Variants in BRCA2 observed in about 807,000 individuals in gnomAD.
BRCA2 encodes the protein BRCA2 DNA repair associated.
A neutral mutation model predicts 276.7 loss-of-function variants in BRCA2; 203 were observed. The observed-to-expected ratio is 0.73, with a 90% CI of 0.65 to 0.82. BRCA2 has a LOEUF of 0.82. BRCA2 is among the 40% of genes least tolerant of loss of function. BRCA2 has a pLI of 0.00. For missense variants in BRCA2, 3,920 were observed against 3,915.0 expected, an observed-to-expected ratio of 1.00 and a Z score of -0.03; for synonymous variants, 1,289 against 1,338.4, an observed-to-expected ratio of 0.96 and a Z score of 0.81.
In BRCA2 at chr13:32,340,065, C is replaced by T. The variant is rs55875643; in HGVS notation, c.5710C>T (p.Leu1904Phe). ...GGCATTGGATGATTCAGAGGATATTCTTCATAACTCTCTAGATAATGATGA... is the reference window on the plus strand; with the variant it reads ...GGCATTGGATGATTCAGAGGATATTTTTCATAACTCTCTAGATAATGATGA... ...YEALDDSEDI[L>F]HNSLDNDECS... The change falls in exon 11 of 27, where the codon CTT becomes TTT. Residue 1904 changes from leucine (L) to phenylalanine (F), a missense_variant. Around this residue, in one of 2 missense-constraint regions of BRCA2, gnomAD observed 3,263 missense variants for 3,156.9 expected, o/e 1.03. Transcript: ENST00000380152. 1 of 1,613,764 alleles carries T rather than the reference C, an allele frequency of 6.2e-7. No individual in the cohort carries two copies. The highest frequency in any genetic ancestry group is 8.5e-7 in the Non-Finnish European group (1 of 1,179,820).
rs2072468449 is a variant in BRCA2 at position 32,337,296 on chromosome 13, A to G, written c.2941A>G (p.Lys981Glu). 1 of 1,612,546 alleles carries G rather than the reference A, an allele frequency of 6.2e-7. No homozygotes were observed. The highest frequency in any genetic ancestry group is 1.1e-5 in the South Asian group (1 of 90,614). The change falls in exon 11 of 27, where the codon AAA becomes GAA. Residue 981 changes from lysine (K) to glutamate (E), a missense_variant. Physicochemically the swap from Lys to Glu is moderately conservative, Grantham distance 56. Transcript: ENST00000380152. ...LKSDISLNIDKIPEKNNDYMN... is the reference protein window; with the variant it reads ...LKSDISLNIDEIPEKNNDYMN... ...ATCGGACATCTCCTTGAATATAGAT[A>G]AAATACCAGAAAAAAATAATGATTA...
rs1555283516 is a variant in BRCA2, at chr13:32,338,388, G to C, written c.4033G>C (p.Asp1345His). The change falls in exon 11 of 27, where the codon GAT becomes CAT. Residue 1345 changes from aspartate to histidine, a missense_variant. Physicochemically the swap from Asp to His is moderately conservative, Grantham distance 81 (BLOSUM62 -1). Coordinates refer to ENST00000380152, the MANE Select transcript of BRCA2 (RefSeq NM_000059.4). ...TGATGGCAGTGATTCAAGTAAAAAT[G>C]ATACTGTTTGTATTCATAAAGATGA... ...EFDGSDSSKNDTVCIHKDETD... is the reference protein window; with the variant it reads ...EFDGSDSSKNHTVCIHKDETD... 1.3e-6 allele frequency: 2 copies of C among 1,594,946 alleles called. No individual in the cohort carries two copies. The highest frequency in any genetic ancestry group is 1.7e-6 in the Non-Finnish European group (2 of 1,172,996).
rs786202036 is a variant in BRCA2 at position 32,341,048 on chromosome 13, T to C, written c.6693T>C (p.Ala2231=). ...TTGAAACAGAAGCAGTAGAAATTGC[T>C]AAAGCTTTTATGGAAGATGATGAAC... is the stretch of plus-strand genomic sequence containing the variant. The part of the protein sequence containing the change: ...NYFETEAVEI[A]KAFMEDDELT... Residue 2231 remains alanine, a synonymous_variant, in exon 11 of 27, where the codon GCT becomes GCC. Coordinates refer to ENST00000380152, the MANE Select transcript of BRCA2 (RefSeq NM_000059.4). 6.2e-7 allele frequency: 1 copy of C among 1,613,970 alleles called. No homozygotes were observed. Among genetic ancestry groups the C allele is most frequent in the South Asian group, 1.1e-5 (1 of 91,058 alleles).
chr13:32,397,957 G>A (rs1411919505), intron 26 of BRCA2, among the ~76,000 whole-genome samples: 20 of 151,782 alleles, frequency 1.3e-4, no homozygotes, highest in Admixed American at 1.3e-3. Context: ...TCCTTTTCAT[G>A]TCATTTTATA....
chr13:32,354,203 G>A (rs1202015910), intron 13 of BRCA2, among the ~76,000 whole-genome samples: 1 of 152,202 alleles, frequency 6.6e-6, no homozygotes, highest in African/African-American at 2.4e-5. Flanking sequence ...CATCTGGGAG[G>A]TCATTAACAA....
rs781175758 is a variant in BRCA2, at chr13:32,326,302, T to C, written c.516+20T>C. 1.9e-6 allele frequency: 3 copies of C among 1,605,850 alleles called. No individual in the cohort carries two copies. The highest frequency in any genetic ancestry group is 1.7e-5 in the Admixed American group (1 of 59,972). On this transcript the variant is annotated intron_variant, in intron 6 of 26. Coordinates refer to ENST00000380152, the MANE Select transcript of BRCA2 (RefSeq NM_000059.4). ...GTGAAGGTAAATATTCTACCTGGTT[T>C]ATTTTTATGACTTAGTAATTGAGAA...
chr13:32,371,059 C>T lies in BRCA2; in HGVS notation c.8591C>T (p.Ala2864Val), dbSNP rs80359116. The change falls in exon 20 of 27, where the codon GCC becomes GTC. Residue 2864 changes from alanine (A) to valine (V), a missense_variant. Ala to Val is a moderately conservative substitution (Grantham distance 64). Around this residue, in one of 2 missense-constraint regions of BRCA2, gnomAD observed 657 missense variants for 758.2 expected, o/e 0.87. Transcript: ENST00000380152. ...YVEAQQKRLE[A>V]LFTKIQEEFE... The stretch of plus-strand genomic sequence containing the variant: ...GAGGCCCAACAAAAGAGACTAGAAG[C>T]CTTATTCACTAAAATTCAGGAGGAA... 1 of 1,613,934 alleles carries T rather than the reference C, an allele frequency of 6.2e-7. No individual in the cohort carries two copies. Among genetic ancestry groups the T allele is most frequent in the Non-Finnish European group, 8.5e-7 (1 of 1,179,952 alleles).
Position 32,337,593 on chromosome 13 carries a change from G to C in BRCA2, c.3238G>C (p.Asp1080His), listed in dbSNP as rs1064794159. 6.3e-7 allele frequency: 1 copy of C among 1,595,102 alleles called. No homozygotes were observed. The highest frequency in any genetic ancestry group is 1.4e-5 in the African/African-American group (1 of 73,932). Residue 1080 changes from aspartate (D) to histidine (H), a missense_variant, in exon 11 of 27, where the codon GAT becomes CAT. Asp to His is a moderately conservative substitution (Grantham distance 81). This residue lies in a region of BRCA2 where 3,263 missense variants were observed against 3,156.9 expected (regional missense o/e 1.03). Transcript: ENST00000380152. ...AHLQSSVVVS[D>H]CKNSHITPQM... ...TTTACAGAGTAGTGTAGTTGTTTCTGATTGTAAAAATAGTCATATAACCCC... is the reference window on the plus strand; with the variant it reads ...TTTACAGAGTAGTGTAGTTGTTTCTCATTGTAAAAATAGTCATATAACCCC...
intron 13 of BRCA2, among the ~76,000 whole-genome samples, chr13:32,349,890 G>C (rs952376031): frequency 5.3e-5 from 8 of 150,358 alleles, no homozygotes; most frequent in Admixed American, 3.3e-4. Context: ...TCTATGAAAA[G>C]AACCAGAGGC....
At position 32,340,242 on chromosome 13, in the gene BRCA2, G is replaced by A. The variant is rs1593906819; in HGVS notation, c.5887G>A (p.Gly1963Arg). The part of the protein sequence containing the change: ...ETSDICKCSI[G>R]KLHKSVSSAN... ...TTCAGATATATGTAAATGTAGTATA[G>A]GGAAGCTTCATAAGTCAGTCTCATC... is the stretch of plus-strand genomic sequence containing the variant. Residue 1963 changes from glycine to arginine, a missense_variant, in exon 11 of 27, where the codon GGG becomes AGG. Transcript: ENST00000380152. The A allele has an allele frequency of 1.2e-6, 2 of 1,613,988 alleles. No individual in the cohort carries two copies. The highest frequency in any genetic ancestry group is 2.2e-5 in the South Asian group (2 of 91,072).
chr13:32,320,398 C>G (rs1174284788), intron 3 of BRCA2, among the ~76,000 whole-genome samples: 1 of 152,242 alleles, frequency 6.6e-6, no homozygotes, highest in African/African-American at 2.4e-5. Context: ...TATTCATCCT[C>G]TCACCTATCT....
intron 24 of BRCA2, among the ~76,000 whole-genome samples, chr13:32,381,971 A>G (rs886444419): frequency 6.6e-6 from 1 of 152,140 alleles, no homozygotes; most frequent in Non-Finnish European, 1.5e-5. Flanking sequence ...AAGAAAAGCA[A>G]GTATGTGGGG....
intron 25 of BRCA2, among the ~76,000 whole-genome samples, chr13:32,395,825 T>C (rs2073031686): frequency 6.6e-6 from 1 of 152,156 alleles, no homozygotes; most frequent in Non-Finnish European, 1.5e-5. Flanking sequence ...ACATTTTACC[T>C]AGAGACTCTA....
intron 24 of BRCA2, among the ~76,000 whole-genome samples, chr13:32,390,496 C>T (rs2072989562): frequency 6.6e-6 from 1 of 152,074 alleles, no homozygotes; most frequent in South Asian, 2.1e-4. Context: ...GTTCATATTC[C>T]TGATGCATGA....
At chr13:32,379,622 G>A in intron 22 of BRCA2, 107 bp downstream of exon 22, 2 of 1,517,628 alleles carry the variant, frequency 1.3e-6, no homozygotes, top group Non-Finnish European at 1.8e-6. Flanking sequence ...GTTTATATCA[G>A]AGAAGCAAAA....
chr13:32,384,280 T>C (rs1306099192), intron 24 of BRCA2, among the ~76,000 whole-genome samples: 1 of 152,080 alleles, frequency 6.6e-6, no homozygotes, highest in Non-Finnish European at 1.5e-5. Flanking sequence ...TGCAACAAGA[T>C]GGCAATGAGA....
rs81002896 is a variant in BRCA2 at position 32,326,292 on chromosome 13, C to T, written c.516+10C>T. On this transcript the variant is annotated intron_variant, in intron 6 of 26. Coordinates refer to ENST00000380152, the MANE Select transcript of BRCA2 (RefSeq NM_000059.4). ...ACCAAAGTTTGTGAAGGTAAATATT[C>T]TACCTGGTTTATTTTTATGACTTAG... 1.9e-6 allele frequency: 3 copies of T among 1,609,428 alleles called. No individual in the cohort carries two copies. Among genetic ancestry groups the T allele is most frequent in the African/African-American group, 2.7e-5 (2 of 74,808 alleles).
rs80359270 is a variant in BRCA2, at chr13:32,332,710, T to TA, written c.1233dup (p.Pro412ThrfsTer9). On this transcript the variant is annotated frameshift_variant, in exon 10 of 27. Coordinates refer to ENST00000380152, the MANE Select transcript of BRCA2 (RefSeq NM_000059.4). LOFTEE classifies it high-confidence loss of function. The stretch of plus-strand genomic sequence containing the variant: ...CTAAATGGAGCCCAGATGGAGAAAA[T>TA]ACCCCTATTGCATATTTCTTCATGT... 1 of 1,613,656 alleles carries TA rather than the reference T, an allele frequency of 6.2e-7. No homozygotes were observed. The highest frequency in any genetic ancestry group is 1.7e-4 in the Middle Eastern group (1 of 6,056).
rs1262748321 is a variant in BRCA2 at position 32,338,201 on chromosome 13, T to C, written c.3846T>C (p.Thr1282=). 3 of 1,549,966 alleles carry C rather than the reference T, an allele frequency of 1.9e-6. No individual in the cohort carries two copies. The highest frequency in any genetic ancestry group is 2.6e-6 in the Non-Finnish European group (3 of 1,147,218). ...MFKIENHNDK[T]VSEKNNKCQL... ...AGATAGAAAATCATAATGATAAAAC[T>C]GTAAGTGAAAAAAATAATAAATGCC... is the stretch of plus-strand genomic sequence containing the variant. The change falls in exon 11 of 27, where the codon ACT becomes ACC. Residue 1282 remains threonine (T), a synonymous_variant. Transcript: ENST00000380152.
Sources: allele counts gnomAD v4.1 joint callset (sites outside exome capture counted in the v4.1 genomes callset), GRCh38; gene constraint gnomAD v4.1.1; regional missense constraint gnomAD v4.1.1; transcripts MANE v1.5; gene names NCBI Gene and HGNC (gene_info 2026-07-23, HGNC 2026-07-21).